The following CRADD variants were observed in gnomAD, a reference collection of about 807,000 sequenced individuals.
CRADD encodes death domain-containing protein CRADD.
Under a neutral mutation model 15.5 loss-of-function variants are expected in CRADD, and 9 were observed. The observed-to-expected ratio is 0.58, with a 90% CI of 0.35 to 1.01. The LOEUF is 1.01. Among genes scored for constraint, CRADD ranks in the 50% least tolerant of loss-of-function variants. CRADD has a pLI of 0.02. For synonymous variants in CRADD, 118 were observed against 107.6 expected, an observed-to-expected ratio of 1.10 and a Z score of -0.60; for missense variants, 227 against 250.3, an observed-to-expected ratio of 0.91 and a Z score of 0.63.
intron 2 of CRADD, among the ~76,000 whole-genome samples, chr12:93,801,493 G>A (rs908684023): frequency 3.9e-5 from 6 of 152,124 alleles, no homozygotes; most frequent in African/African-American, 1.4e-4. Flanking sequence ...CCACCTCCTG[G>A]GTTCAAGTGA....
At chr12:93,882,265 C>A (rs1290567305) in intron 2 of CRADD, among the ~76,000 whole-genome samples, 1 of 149,006 alleles carries the variant, frequency 6.7e-6, no homozygotes, top group Non-Finnish European at 1.5e-5. Flanking sequence ...ACTAAAAATA[C>A]AAAAAATTAG....
At chr12:93,868,415 T>A (rs1958389075) in intron 2 of CRADD, among the ~76,000 whole-genome samples, 1 of 152,180 alleles carries the variant, frequency 6.6e-6, no homozygotes, top group Admixed American at 6.5e-5. Flanking sequence ...TTATAATTTA[T>A]CCTTGTTTTA....
At chr12:93,863,388 G>A (rs1304037170) in intron 2 of CRADD, among the ~76,000 whole-genome samples, 1 of 152,102 alleles carries the variant, frequency 6.6e-6, no homozygotes, top group Non-Finnish European at 1.5e-5. Context: ...TTACTGTGGT[G>A]CCTCCCCAAC....
At chr12:93,781,150 A>T (rs1957205988) in intron 2 of CRADD, among the ~76,000 whole-genome samples, 1 of 152,108 alleles carries the variant, frequency 6.6e-6, no homozygotes, top group Non-Finnish European at 1.5e-5. Context: ...TTCAGAAGCC[A>T]ACCTGAGGGG....
chr12:93,689,206 A>C (rs1397931040), intron 2 of CRADD, among the ~76,000 whole-genome samples: 3 of 152,334 alleles, frequency 2.0e-5, no homozygotes, highest in African/African-American at 7.2e-5. Flanking sequence ...AAATCTTGCT[A>C]TCTAAAGCCC....
intron 2 of CRADD, among the ~76,000 whole-genome samples, chr12:93,720,122 G>GT: frequency 6.6e-6 from 1 of 152,086 alleles, no homozygotes; most frequent in Admixed American, 6.5e-5. Context: ...ATTTTGATAA[G>GT]TTGTTTCCAT....
intron 2 of CRADD, among the ~76,000 whole-genome samples, chr12:93,716,645 A>G (rs1469337240): frequency 6.6e-6 from 1 of 152,124 alleles, no homozygotes; most frequent in African/African-American, 2.4e-5. Context: ...GCCTTTGCAG[A>G]TTGGCTTCTT....
chr12:93,746,782 A>ATTT (rs34041721), intron 2 of CRADD, among the ~76,000 whole-genome samples: 7 of 144,358 alleles, frequency 4.8e-5, no homozygotes, highest in African/African-American at 1.5e-4. Flanking sequence ...CTGAATTTGG[A>ATTT]TTTTTTTTTT....
At chr12:93,756,563 G>A (rs1478572125) in intron 2 of CRADD, among the ~76,000 whole-genome samples, 1 of 152,230 alleles carries the variant, frequency 6.6e-6, no homozygotes, top group Non-Finnish European at 1.5e-5. Flanking sequence ...TTTTATTCCA[G>A]GGCCTTCCTT....
chr12:93,722,542 C>T (rs998218003), intron 2 of CRADD, among the ~76,000 whole-genome samples: 2 of 151,956 alleles, frequency 1.3e-5, no homozygotes, highest in African/African-American at 4.8e-5. Context: ...CTTCTCTTTG[C>T]TTATCAGTTT....
At chr12:93,812,185 G>A (rs934399904) in intron 2 of CRADD, among the ~76,000 whole-genome samples, 1 of 152,116 alleles carries the variant, frequency 6.6e-6, no homozygotes, top group Non-Finnish European at 1.5e-5. Context: ...ATAGTATCTA[G>A]AATACTATAT....
intron 2 of CRADD, among the ~76,000 whole-genome samples, chr12:93,705,885 T>C (rs1289880771): frequency 1.3e-5 from 2 of 152,242 alleles, no homozygotes; most frequent in African/African-American, 4.8e-5. Flanking sequence ...GGAAATGTGA[T>C]GTAGTATAGG....
intron 2 of CRADD, among the ~76,000 whole-genome samples, chr12:93,776,541 A>C (rs1957142326): frequency 1.3e-5 from 2 of 152,194 alleles, no homozygotes; most frequent in Non-Finnish European, 2.9e-5. Context: ...AGAGAAGAGG[A>C]GACAAAGAGC....
intron 2 of CRADD, among the ~76,000 whole-genome samples, chr12:93,791,193 G>A (rs926627475): frequency 3.3e-5 from 5 of 152,056 alleles, no homozygotes; most frequent in African/African-American, 1.2e-4. Flanking sequence ...AATTGAAATT[G>A]GTATATCGAA....
chr12:93,757,430 A>T (rs1057166889), intron 2 of CRADD, among the ~76,000 whole-genome samples: 13 of 152,168 alleles, frequency 8.5e-5, no homozygotes, highest in Admixed American at 6.5e-5. Flanking sequence ...AGTTTATTAG[A>T]TTCATCTAAA....
At chr12:93,747,864 C>T (rs1347245541) in intron 2 of CRADD, among the ~76,000 whole-genome samples, 1 of 152,188 alleles carries the variant, frequency 6.6e-6, no homozygotes, top group Non-Finnish European at 1.5e-5. Flanking sequence ...TTCAGACTAC[C>T]TGTAAAGACA....
chr12:93,687,509 C>G (rs941590803), intron 2 of CRADD, among the ~76,000 whole-genome samples: 6 of 152,170 alleles, frequency 3.9e-5, no homozygotes, highest in Non-Finnish European at 1.5e-5. Flanking sequence ...AAGGCACACA[C>G]GGGCATGCCC....
chr12:93,699,804 T>C (rs759089793), intron 2 of CRADD, among the ~76,000 whole-genome samples: 5 of 152,236 alleles, frequency 3.3e-5, no homozygotes, highest in Non-Finnish European at 5.9e-5. Context: ...TGCTGTGGGC[T>C]CTAAAAGGTA....
At chr12:93,735,852 C>T (rs1239930511) in intron 2 of CRADD, 2 of 151,668 alleles carry the variant, frequency 1.3e-5, no homozygotes, top group Non-Finnish European at 2.9e-5. Flanking sequence ...TTATTCCTAC[C>T]AAGTGGAGTT....
Sources: allele counts gnomAD v4.1 joint callset (sites outside exome capture counted in the v4.1 genomes callset), GRCh38; gene constraint gnomAD v4.1.1; transcripts MANE v1.5; gene names NCBI Gene and HGNC (gene_info 2026-07-23, HGNC 2026-07-21).